The following TUBGCP4 variants were observed in gnomAD, a reference collection of about 807,000 sequenced individuals.
TUBGCP4 encodes the protein tubulin gamma complex component 4.
TUBGCP4 carries 54 observed loss-of-function variants against 91.6 expected under a neutral mutation model. The observed-to-expected ratio is 0.59, with a 90% CI of 0.47 to 0.74. The LOEUF (loss-of-function observed/expected upper bound fraction) is 0.74. TUBGCP4 is among the 30% of genes least tolerant of loss of function. The probability of loss-of-function intolerance (pLI) is 0.00; values close to 1 mark genes in which losing one functional copy is unlikely to be tolerated. For synonymous variants in TUBGCP4, 297 were observed against 302.8 expected (o/e 0.98, Z 0.20); for missense variants, 593 against 800.9 (o/e 0.74, Z 3.13).
rs1171651963 is a variant in TUBGCP4, at chr15:43,408,648, T to A, written c.*3434T>A. The stretch of plus-strand genomic sequence containing the variant: ...TTTTTAATGCTTGCTTAAAACTTAG[T>A]TCTCTGACTTTACAGGTTGAGAATA... On this transcript the variant is annotated 3_prime_UTR_variant, in exon 18 of 18. Transcript: ENST00000564079. 18 of 483,950 alleles carry A rather than the reference T, an allele frequency of 3.7e-5. No homozygotes were observed. The Admixed American group carries it at 5.9e-4, about 16-fold the overall frequency. 30.0% of individuals were successfully genotyped at this position (483,950 alleles called of 1,614,324 possible).
intron 16 of TUBGCP4, 162 bp from the exon 17 acceptor site, chr15:43,404,251 A>G (rs1481766648): frequency 4.0e-6 from 3 of 752,666 alleles, no homozygotes; most frequent in African/African-American, 1.8e-5. Flanking sequence ...ATTTGGTACA[A>G]GTCATTTTAG....
chr15:43,399,984 T>A, intron 13 of TUBGCP4, 60 bp from the exon 14 acceptor site: 7 of 1,413,062 alleles, frequency 5.0e-6, no homozygotes, highest in Non-Finnish European at 6.8e-6. Context: ...GAGTCTGTCG[T>A]GTGGGGGAAG....
intron 6 of TUBGCP4, among the ~76,000 whole-genome samples, chr15:43,380,693 ATG>A (rs2044273220): frequency 6.6e-6 from 1 of 152,230 alleles, no homozygotes; most frequent in Non-Finnish European, 1.5e-5. Context: ...AATTTAAATG[ATG>A]ATATATTCAC....
At chr15:43,398,236 G>A (rs1191620024) in intron 13 of TUBGCP4, 57 bp downstream of exon 13, 2 of 1,574,268 alleles carry the variant, frequency 1.3e-6, no homozygotes, top group East Asian at 4.5e-5. Context: ...TGTAAGGGAA[G>A]AAACTAGCAG....
Position 43,400,043 on chromosome 15 carries a change from G to C in TUBGCP4, c.1419-1G>C. 6.2e-7 allele frequency: 1 copy of C among 1,606,758 alleles called. No individual in the cohort carries two copies. The highest frequency in any genetic ancestry group is 8.5e-7 in the Non-Finnish European group (1 of 1,174,196). On this transcript the variant is annotated splice_acceptor_variant, in intron 13 of 17. Transcript: ENST00000564079. LOFTEE classifies it high-confidence loss of function. Reference sequence around the variant, plus strand: ...TGAATATCCTGTTATTTCTGTCCTAGGTACAATGTTGTTTTTAAGTACTTA... The same window carrying C: ...TGAATATCCTGTTATTTCTGTCCTACGTACAATGTTGTTTTTAAGTACTTA...
At position 43,400,324 on chromosome 15, in the gene TUBGCP4, G is replaced by A. The variant is rs888534093; in HGVS notation, c.1596+103G>A. 13 of 941,560 alleles carry A rather than the reference G, an allele frequency of 1.4e-5. No homozygotes were observed. In the African/African-American group the frequency reaches 1.5e-4, roughly 11 times the overall value. The allele number at this position is 941,560 out of a possible 1,614,324, so 58.3% of individuals were successfully genotyped here. A position where few individuals can be genotyped will look rare whatever the true frequency, so the allele number is the denominator to read the frequency against. On this transcript the variant is annotated intron_variant, in intron 14 of 17. Coordinates refer to ENST00000564079, the MANE Select transcript of TUBGCP4 (RefSeq NM_014444.5). ...CTACAAGTTTCTATTTGATAAAATG[G>A]TGGGGTTTGGGAAAATTCAGGAGTT...
At chr15:43,395,024 T>G (rs1372274353) in intron 9 of TUBGCP4, 83 bp from the exon 10 acceptor site, 1 of 1,455,158 alleles carries the variant, frequency 6.9e-7, no homozygotes, top group Non-Finnish European at 9.7e-7. Flanking sequence ...TTTTAATACA[T>G]TGCTGGATTT....
Position 43,408,784 on chromosome 15 carries a change from T to C in TUBGCP4, c.*3570T>C. 1 of 1,050,850 alleles carries C rather than the reference T, an allele frequency of 9.5e-7. No individual in the cohort carries two copies. Among genetic ancestry groups the C allele is most frequent in the Non-Finnish European group, 1.4e-6 (1 of 713,478 alleles). The allele number at this position is 1,050,850 out of a possible 1,614,324, so 65.1% of individuals were successfully genotyped here. On this transcript the variant is annotated 3_prime_UTR_variant, in exon 18 of 18. Coordinates refer to ENST00000564079, the MANE Select transcript of TUBGCP4 (RefSeq NM_014444.5). ...GTCATTTCAAACCCACTCAAATTTATCCCACAGACATTCCAATTTCTAGAA... is the reference window on the plus strand; with the variant it reads ...GTCATTTCAAACCCACTCAAATTTACCCCACAGACATTCCAATTTCTAGAA...
In TUBGCP4 at chr15:43,408,384, G is replaced by C. The variant is rs2044991452; in HGVS notation, c.*3170G>C. 6.4e-6 allele frequency: 2 copies of C among 312,994 alleles called. No homozygotes were observed. 19.4% of individuals were successfully genotyped at this position (312,994 alleles called of 1,614,324 possible). A position where few individuals can be genotyped will look rare whatever the true frequency, so the allele number is the denominator to read the frequency against. On this transcript the variant is annotated 3_prime_UTR_variant, in exon 18 of 18. Transcript: ENST00000564079. Reference sequence around the variant, plus strand: ...TAGTCCCAGCAGCTTGGGAGGCTGAGGTAGGGGGATCACTTCAGCCTGGGA... The same window carrying C: ...TAGTCCCAGCAGCTTGGGAGGCTGACGTAGGGGGATCACTTCAGCCTGGGA...
At chr15:43,399,293 T>C (rs2044629640) in intron 13 of TUBGCP4, 1 of 355,858 alleles carries the variant, frequency 2.8e-6, no homozygotes, top group Admixed American at 4.4e-5. Flanking sequence ...CGGGAGTCTG[T>C]CTCAGAGGGA....
At chr15:43,393,579 A>G (rs1423768845) in intron 9 of TUBGCP4, among the ~76,000 whole-genome samples, 2 of 151,938 alleles carry the variant, frequency 1.3e-5, no homozygotes, top group African/African-American at 4.8e-5. Flanking sequence ...TATATCTCCT[A>G]ATGCTATCCC....
In TUBGCP4 at chr15:43,408,187, T is replaced by A. The variant is rs1054614476; in HGVS notation, c.*2973T>A. 1.8e-4 allele frequency: 216 copies of A among 1,227,636 alleles called. No homozygotes were observed. The highest frequency in any genetic ancestry group is 2.4e-4 in the Non-Finnish European group (209 of 879,186). 76.0% of individuals were successfully genotyped at this position (1,227,636 alleles called of 1,614,324 possible). ...ATGTACATCTGAATGCTTTCAAAAA[T>A]AAATGCCCCATCAGACATAGTGTCT... On this transcript the variant is annotated 3_prime_UTR_variant, in exon 18 of 18. Coordinates refer to ENST00000564079, the MANE Select transcript of TUBGCP4 (RefSeq NM_014444.5).
chr15:43,403,220 G>A (rs2044730835), intron 15 of TUBGCP4: 1 of 153,314 alleles, frequency 6.5e-6, no homozygotes, highest in Admixed American at 6.5e-5. Flanking sequence ...CAACACAGAG[G>A]CCTGAACAAT....
chr15:43,380,133 G>A lies in TUBGCP4; in HGVS notation c.491G>A (p.Gly164Glu). ...LETVYKHSCGGLPPVRSALEK... is the reference protein window; with the variant it reads ...LETVYKHSCGELPPVRSALEK... ...ACAGTCTACAAACACAGCTGTGGGG[G>A]GTTGCCTCCTGTTCGAAGTGCACTG... Residue 164 changes from glycine (G) to glutamate (E), a missense_variant, in exon 6 of 18, where the codon GGG becomes GAG. Physicochemically the swap from Gly to Glu is moderately conservative, Grantham distance 98. Transcript: ENST00000564079. 6.2e-7 allele frequency: 1 copy of A among 1,614,092 alleles called. No homozygotes were observed. Among genetic ancestry groups the A allele is most frequent in the Non-Finnish European group, 8.5e-7 (1 of 1,179,952 alleles).
chr15:43,405,091 T>C, intron 17 of TUBGCP4, 111 bp from the exon 18 acceptor site: 1 of 1,286,792 alleles, frequency 7.8e-7, no homozygotes, highest in East Asian at 2.3e-5. Flanking sequence ...AAAGAAACTC[T>C]TCAGTTTTAA....
intron 14 of TUBGCP4, among the ~76,000 whole-genome samples, chr15:43,400,645 A>T (rs1301971719): frequency 6.6e-6 from 1 of 151,610 alleles, no homozygotes; most frequent in African/African-American, 2.4e-5. Flanking sequence ...GCGAGGTGTC[A>T]TGGGTCACGT....
chr15:43,397,160 TG>T, intron 11 of TUBGCP4, 53 bp from the exon 12 acceptor site: 3 of 1,319,110 alleles, frequency 2.3e-6, no homozygotes, highest in Non-Finnish European at 3.3e-6. Flanking sequence ...TGGAGGAGTC[TG>T]GGTTTGTTAT....
rs2045003759 is a variant in TUBGCP4, at chr15:43,408,587, T to G, written c.*3373T>G. 2.9e-6 allele frequency: 1 copy of G among 347,946 alleles called. No homozygotes were observed. The highest frequency in any genetic ancestry group is 4.2e-5 in the Admixed American group (1 of 24,066). The allele number at this position is 347,946 out of a possible 1,614,324, so 21.6% of individuals were successfully genotyped here. Reference sequence around the variant, plus strand: ...CTAATTTCCATGTTTGTTCTGGGGCTGAGAATAATCCAAATCATGCTCCTG... The same window carrying G: ...CTAATTTCCATGTTTGTTCTGGGGCGGAGAATAATCCAAATCATGCTCCTG... On this transcript the variant is annotated 3_prime_UTR_variant, in exon 18 of 18. Transcript: ENST00000564079.
At chr15:43,395,016 T>G (rs1296248096) in intron 9 of TUBGCP4, 91 bp from the exon 10 acceptor site, 17 of 1,401,562 alleles carry the variant, frequency 1.2e-5, no homozygotes, top group Non-Finnish European at 1.7e-5. Context: ...TAGTCTTCTT[T>G]TAATACATTG....
Sources: allele counts gnomAD v4.1 joint callset (sites outside exome capture counted in the v4.1 genomes callset), GRCh38; gene constraint gnomAD v4.1.1; transcripts MANE v1.5; gene names NCBI Gene and HGNC (gene_info 2026-07-23, HGNC 2026-07-21).